The following C1orf185 variants were observed in gnomAD, a reference collection of about 807,000 sequenced individuals.
The protein encoded by C1orf185 is chromosome 1 open reading frame 185, also known as uncharacterized protein C1orf185.
A neutral mutation model predicts 16.1 loss-of-function variants in C1orf185; 13 were observed. That is an observed-to-expected ratio of 0.81 (90% confidence interval 0.53 to 1.28). The LOEUF is 1.28. Among genes scored for constraint, C1orf185 ranks in the 50% most tolerant of loss-of-function variants. C1orf185 has a pLI of 0.00. For missense variants in C1orf185, 220 were observed against 225.2 expected (o/e 0.98, Z 0.15); for synonymous variants, 80 against 76.9 (o/e 1.04, Z -0.21).
At chr1:51,129,165 G>A (rs546726180) in intron 3 of C1orf185, among the ~76,000 whole-genome samples, 5 of 152,228 alleles carry the variant, frequency 3.3e-5, no homozygotes, top group Admixed American at 2.0e-4. Flanking sequence ...GATTACAGGC[G>A]AGAGCCACCG....
At chr1:51,145,677 T>A (rs1414654614) in intron 3 of C1orf185, 47 bp from the exon 4 acceptor site, 1 of 1,066,316 alleles carries the variant, frequency 9.4e-7, no homozygotes, top group Middle Eastern at 3.0e-4. Context: ...AGAAGTTATA[T>A]AAAAATTATT....
downstream of C1orf185, among the ~76,000 whole-genome samples, chr1:51,149,953 TTG>T (rs1208803598): frequency 2.6e-5 from 4 of 152,184 alleles, no homozygotes; most frequent in African/African-American, 9.6e-5. Flanking sequence ...AAGATTTGAT[TTG>T]TATTAATGGC....
Position 51,147,618 on chromosome 1 carries a change from A to C in C1orf185, c.447A>C (p.Glu149Asp). The C allele has an allele frequency of 1.9e-6, 3 of 1,551,608 alleles. No homozygotes were observed. The highest frequency in any genetic ancestry group is 2.6e-6 in the Non-Finnish European group (3 of 1,146,938). Residue 149 changes from glutamate (E) to aspartate (D), a missense_variant, in exon 5 of 5, where the codon GAA (glutamate) becomes GAC (aspartate). Physicochemically the swap from Glu to Asp is conservative, Grantham distance 45 (BLOSUM62 2). Transcript: ENST00000371759. ...PSDSYYSQSIEAADDWFSDDS... is the reference protein window; with the variant it reads ...PSDSYYSQSIDAADDWFSDDS... ...ATTCTTATTACAGCCAAAGTATAGA[A>C]GCAGCTGATGACTGGTTTTCTGATG...
At chr1:51,106,014 C>A (rs1646068168) in intron 1 of C1orf185, among the ~76,000 whole-genome samples, 2 of 151,950 alleles carry the variant, frequency 1.3e-5, no homozygotes, top group Admixed American at 1.3e-4. Flanking sequence ...TCATTTAAAC[C>A]AGGGGCTGGA....
intron 3 of C1orf185, among the ~76,000 whole-genome samples, chr1:51,130,421 G>T (rs1646274887): frequency 6.6e-6 from 1 of 151,358 alleles, no homozygotes. Flanking sequence ...CTGGGCTCAA[G>T]TGATCCTCCC....
intron 2 of C1orf185, among the ~76,000 whole-genome samples, chr1:51,116,143 G>T (rs1646155926): frequency 6.6e-6 from 1 of 151,920 alleles, no homozygotes; most frequent in East Asian, 1.9e-4. Context: ...TATCTACTCA[G>T]TTATCTCCTT....
chr1:51,102,289 G>C (rs1179238140), intron 1 of C1orf185, 40 bp downstream of exon 1: 6 of 707,062 alleles, frequency 8.5e-6, no homozygotes, highest in Admixed American at 4.1e-5. Context: ...TTTTTGCCTG[G>C]GAAGAAGAGG....
intron 1 of C1orf185, among the ~76,000 whole-genome samples, chr1:51,110,198 G>A (rs1342858953): frequency 6.6e-6 from 1 of 152,110 alleles, no homozygotes; most frequent in African/African-American, 2.4e-5. Context: ...AGAAATCATA[G>A]TATTTAACTT....
At chr1:51,133,743 C>G (rs1323991925) in intron 3 of C1orf185, among the ~76,000 whole-genome samples, 1 of 152,220 alleles carries the variant, frequency 6.6e-6, no homozygotes, top group African/African-American at 2.4e-5. Context: ...CCAAAAAGAA[C>G]AGAATATACA....
At chr1:51,108,314 T>C (rs1411946051) in intron 1 of C1orf185, among the ~76,000 whole-genome samples, 1 of 152,196 alleles carries the variant, frequency 6.6e-6, no homozygotes, top group Admixed American at 6.5e-5. Context: ...TTAATTGACG[T>C]AATTGTGCAC....
chr1:51,146,125 G>T (rs1299487600), intron 4 of C1orf185, among the ~76,000 whole-genome samples: 5 of 151,970 alleles, frequency 3.3e-5, no homozygotes, highest in African/African-American at 1.2e-4. Context: ...AATATAACAA[G>T]ATATTTTGCA....
intron 3 of C1orf185, among the ~76,000 whole-genome samples, chr1:51,128,612 G>A (rs1364095245): frequency 6.6e-6 from 1 of 152,106 alleles, no homozygotes; most frequent in Admixed American, 6.5e-5. Context: ...ATAATCGCTT[G>A]AAATTGGGAG....
At chr1:51,118,099 T>G (rs1251236881) in intron 2 of C1orf185, among the ~76,000 whole-genome samples, 6 of 152,148 alleles carry the variant, frequency 3.9e-5, no homozygotes, top group Non-Finnish European at 8.8e-5. Context: ...TATGTGTTTT[T>G]AGTAGAGACA....
At chr1:51,146,002 G>T (rs1481088805) in intron 4 of C1orf185, among the ~76,000 whole-genome samples, 2 of 152,046 alleles carry the variant, frequency 1.3e-5, no homozygotes. Context: ...TGTACTCAAA[G>T]GTATCATAGT....
chr1:51,137,442 G>T (rs1011127901), intron 3 of C1orf185, among the ~76,000 whole-genome samples: 1 of 152,108 alleles, frequency 6.6e-6, no homozygotes, highest in Non-Finnish European at 1.5e-5. Flanking sequence ...GCTGAGGCAG[G>T]ACAATCACTT....
chr1:51,146,021 T>C (rs1570324664), intron 4 of C1orf185, among the ~76,000 whole-genome samples: 1 of 152,220 alleles, frequency 6.6e-6, no homozygotes, highest in East Asian at 1.9e-4. Flanking sequence ...GTCAATGTCA[T>C]ATAGTAATGC....
chr1:51,112,068 A>G (rs1463147151), intron 1 of C1orf185, among the ~76,000 whole-genome samples: 2 of 152,152 alleles, frequency 1.3e-5, no homozygotes, highest in Non-Finnish European at 2.9e-5. Flanking sequence ...GATTGATAAC[A>G]CAAATCTTAA....
chr1:51,105,450 A>G (rs17106407), intron 1 of C1orf185, among the ~76,000 whole-genome samples: 16,552 of 152,168 alleles, frequency 0.11, 1,586 homozygotes, highest in African/African-American at 0.26. Flanking sequence ...AATTGAACTT[A>G]AAAAATATGT....
chr1:51,122,925 G>A (rs143838227), intron 3 of C1orf185, among the ~76,000 whole-genome samples: 47 of 152,246 alleles, frequency 3.1e-4, no homozygotes, highest in African/African-American at 1.1e-3. Flanking sequence ...TTCATGGCTC[G>A]ATGGCCTGTC....
Sources: gnomAD v4.1 joint callset for allele counts (sites outside exome capture counted in the v4.1 genomes callset) on GRCh38, gnomAD v4.1.1 for gene constraint, MANE v1.5 for transcripts, NCBI Gene and HGNC (gene_info 2026-07-23, HGNC 2026-07-21) for gene names.